SNX6: variants seen among roughly 807,000 people sequenced by gnomAD.
The protein encoded by SNX6 is sorting nexin-6.
In SNX6, 34 loss-of-function variants were observed where a neutral mutation model predicts 63.0. That is an observed-to-expected ratio of 0.54 (90% CI 0.41 to 0.72). The LOEUF (loss-of-function observed/expected upper bound fraction) is 0.72, where lower values mean the gene tolerates loss of function less well. Ranked by LOEUF, SNX6 falls within the 30% of genes least tolerant of loss-of-function variation. The pLI, the probability that SNX6 is intolerant of heterozygous loss-of-function variation, is 0.00. For synonymous variants in SNX6, 170 were observed against 164.2 expected (o/e 1.04, Z -0.27); for missense variants, 398 against 471.4 (o/e 0.84, Z 1.44).
intron 5 of SNX6, among the ~76,000 whole-genome samples, chr14:34,604,487 T>C (rs1458888994): frequency 6.6e-6 from 1 of 152,018 alleles, no homozygotes; most frequent in African/African-American, 2.4e-5. Context: ...TGTGAATATA[T>C]AACTAAAAAC....
chr14:34,581,293 ATAGG>A (rs1268175359), intron 10 of SNX6, among the ~76,000 whole-genome samples: 1 of 152,198 alleles, frequency 6.6e-6, no homozygotes. Flanking sequence ...AGCTGGGACT[ATAGG>A]CATGCGTCAC....
intron 6 of SNX6, among the ~76,000 whole-genome samples, chr14:34,600,518 T>G (rs1882769953): frequency 6.6e-6 from 1 of 150,900 alleles, no homozygotes; most frequent in African/African-American, 2.4e-5. Context: ...GCTCAAGCAA[T>G]CCTCCTGCCT....
At chr14:34,578,370 G>A (rs191316242) in intron 10 of SNX6, among the ~76,000 whole-genome samples, 102 of 151,958 alleles carry the variant, frequency 6.7e-4, no homozygotes, top group Middle Eastern at 3.4e-3. Context: ...TAAGGCTCAT[G>A]CCTGTAATCC....
At chr14:34,626,044 G>A (rs1005764937) in intron 2 of SNX6, among the ~76,000 whole-genome samples, 1 of 152,018 alleles carries the variant, frequency 6.6e-6, no homozygotes, top group Non-Finnish European at 1.5e-5. Flanking sequence ...TCTGAAGTTC[G>A]GATTTCTCAT....
At chr14:34,593,869 C>CT (rs1282039525) in intron 7 of SNX6, among the ~76,000 whole-genome samples, 1 of 151,876 alleles carries the variant, frequency 6.6e-6, no homozygotes, top group Non-Finnish European at 1.5e-5. Context: ...TGACCCACCA[C>CT]GCCCAGCCTA....
intron 13 of SNX6, among the ~76,000 whole-genome samples, chr14:34,563,840 G>A (rs972597719): frequency 1.3e-5 from 2 of 152,054 alleles, no homozygotes; most frequent in East Asian, 1.9e-4. Context: ...CTGGGTTCAA[G>A]TAATTCTCCT....
At chr14:34,572,265 A>G (rs1881481035) in intron 11 of SNX6, among the ~76,000 whole-genome samples, 1 of 152,164 alleles carries the variant, frequency 6.6e-6, no homozygotes. Context: ...TTATCTATTA[A>G]CGACCACATT....
At chr14:34,600,994 G>A (rs1459085435) in intron 6 of SNX6, among the ~76,000 whole-genome samples, 1 of 151,686 alleles carries the variant, frequency 6.6e-6, no homozygotes, top group African/African-American at 2.4e-5. Context: ...CTCCAGCCTG[G>A]GCGACAGAGA....
chr14:34,600,769 G>A (rs911013513), intron 6 of SNX6, among the ~76,000 whole-genome samples: 2 of 152,140 alleles, frequency 1.3e-5, no homozygotes, highest in Non-Finnish European at 2.9e-5. Flanking sequence ...CAGGCATGGT[G>A]GCTCACACCT....
At chr14:34,568,233 A>ATT (rs143514066) in intron 11 of SNX6, among the ~76,000 whole-genome samples, 23 of 138,270 alleles carry the variant, frequency 1.7e-4, no homozygotes, top group Admixed American at 3.7e-4. Context: ...CAACCTCTGA[A>ATT]TTTTTTTTTT....
chr14:34,562,340 G>C lies in SNX6; in HGVS notation c.*782C>G, dbSNP rs1296011927. 2.6e-5 allele frequency: 4 copies of C among 152,282 alleles called. No homozygotes were observed. Among genetic ancestry groups the C allele is most frequent in the African/African-American group, 9.7e-5 (4 of 41,450 alleles). 9.4% of individuals were successfully genotyped at this position (152,282 alleles called of 1,614,324 possible). On this transcript the variant is annotated 3_prime_UTR_variant, in exon 14 of 14. Coordinates refer to ENST00000362031, the MANE Select transcript of SNX6 (RefSeq NM_152233.4). ...TTCATTCTTTTGTAAAGGGATTGGT[G>C]GACTTTGTTCGAGATGCCATTTCAA...
intron 2 of SNX6, among the ~76,000 whole-genome samples, chr14:34,626,915 C>T (rs991635818): frequency 6.6e-6 from 1 of 152,126 alleles, no homozygotes. Context: ...AGGTCATATG[C>T]TTTATATTTA....
intron 8 of SNX6, 106 bp from the exon 9 acceptor site, chr14:34,586,411 G>T: frequency 9.9e-6 from 5 of 502,950 alleles, no homozygotes; most frequent in Non-Finnish European, 1.4e-5. Context: ...CTCTAGTAAA[G>T]AAAATAACGC....
At chr14:34,623,287 G>A (rs1242809731) in intron 2 of SNX6, among the ~76,000 whole-genome samples, 1 of 152,078 alleles carries the variant, frequency 6.6e-6, no homozygotes, top group Non-Finnish European at 1.5e-5. Flanking sequence ...AAAAAACACT[G>A]AAATGCATGC....
At chr14:34,582,993 T>C (rs1882002992) in intron 9 of SNX6, among the ~76,000 whole-genome samples, 2 of 151,698 alleles carry the variant, frequency 1.3e-5, no homozygotes, top group African/African-American at 2.4e-5. Flanking sequence ...TGCAATCCTG[T>C]AATTAAACTA....
chr14:34,584,188 C>T (rs1320553112), intron 9 of SNX6, among the ~76,000 whole-genome samples: 1 of 151,868 alleles, frequency 6.6e-6, no homozygotes, highest in African/African-American at 2.4e-5. Flanking sequence ...CCTTGCTTTG[C>T]CAAAAAGCGT....
Position 34,591,692 on chromosome 14 carries a change from T to C in SNX6, c.718+1353A>G, listed in dbSNP as rs777232346. Among the ~76,000 whole-genome samples, 78 of 152,196 alleles carry C rather than the reference T, an allele frequency of 5.1e-4. 1 individual carries two copies. Among genetic ancestry groups the C allele is most frequent in the Non-Finnish European group, 2.5e-4 (17 of 68,038 alleles). ...AGCTCATGGTCAGAGAGATAAAGTTTTCCAAAATTCGAATTATTGCTTGAA... is the reference window on the plus strand; with the variant it reads ...AGCTCATGGTCAGAGAGATAAAGTTCTCCAAAATTCGAATTATTGCTTGAA... On this transcript the variant is annotated intron_variant, in intron 8 of 13. Coordinates refer to ENST00000362031, the MANE Select transcript of SNX6 (RefSeq NM_152233.4).
intron 5 of SNX6, among the ~76,000 whole-genome samples, chr14:34,605,146 A>G (rs536824993): frequency 2.0e-5 from 3 of 152,240 alleles, no homozygotes; most frequent in African/African-American, 7.2e-5. Context: ...TGCTCAGTAC[A>G]TTCTCTTTTG....
At chr14:34,573,170 A>C (rs1327105392) in intron 11 of SNX6, among the ~76,000 whole-genome samples, 1 of 152,038 alleles carries the variant, frequency 6.6e-6, no homozygotes, top group African/African-American at 2.4e-5. Flanking sequence ...TAGACATAGA[A>C]TGTCATTTTG....
Sources: gnomAD v4.1 joint callset for allele counts (sites outside exome capture counted in the v4.1 genomes callset) on GRCh38, gnomAD v4.1.1 for gene constraint, MANE v1.5 for transcripts, NCBI Gene and HGNC (gene_info 2026-07-23, HGNC 2026-07-21) for gene names.